CA6: variants seen among roughly 807,000 people sequenced by gnomAD.
CA6 encodes the protein carbonate dehydratase VI.
In CA6, 28 loss-of-function variants were observed where a neutral mutation model predicts 35.9. The observed-to-expected ratio is 0.78, with a 90% CI of 0.58 to 1.07. CA6 has a LOEUF of 1.07. Ranked by LOEUF, CA6 falls within the 50% of genes least tolerant of loss-of-function variation. The probability of loss-of-function intolerance (pLI) is 0.00; values close to 1 mark genes in which losing one functional copy is unlikely to be tolerated. For missense variants in CA6, 377 were observed against 382.0 expected (o/e 0.99, Z 0.11); for synonymous variants, 148 against 152.6 (o/e 0.97, Z 0.22).
At chr1:8,948,096 C>A (rs538309064) in intron 1 of CA6, among the ~76,000 whole-genome samples, 195 of 152,216 alleles carry the variant, frequency 1.3e-3, no homozygotes, top group Non-Finnish European at 2.3e-3. Context: ...GATCCACCCG[C>A]CTCGGCCTCC....
At chr1:8,971,526 G>A (rs1386287160) in intron 7 of CA6, among the ~76,000 whole-genome samples, 1 of 151,830 alleles carries the variant, frequency 6.6e-6, no homozygotes, top group Non-Finnish European at 1.5e-5. Flanking sequence ...GGCCAGGCTG[G>A]TCCCAAACTC....
chr1:8,946,670 G>A (rs910358925), intron 1 of CA6, among the ~76,000 whole-genome samples: 1 of 151,958 alleles, frequency 6.6e-6, no homozygotes, highest in African/African-American at 2.4e-5. Flanking sequence ...GTAACCTCAC[G>A]GAAGGTGCTG....
intron 2 of CA6, among the ~76,000 whole-genome samples, chr1:8,953,449 C>T (rs907944056): frequency 1.1e-4 from 17 of 152,096 alleles, no homozygotes; most frequent in Non-Finnish European, 2.5e-4. Context: ...TGTAGTGAGA[C>T]CTACGAAAGT....
chr1:8,959,985 A>G (rs1639796286), intron 4 of CA6, among the ~76,000 whole-genome samples: 1 of 148,752 alleles, frequency 6.7e-6, no homozygotes, highest in African/African-American at 2.5e-5. Flanking sequence ...TAATCCCAGC[A>G]CTTTGGGAGG....
rs111580237 is a variant in CA6 at position 8,971,188 on chromosome 1, C to T, written c.844+207C>T. Among the ~76,000 whole-genome samples the T allele has an allele frequency of 2.7e-3, 418 of 152,126 alleles. 1 individual carries two copies. In the Middle Eastern group the frequency reaches 0.031, roughly 11 times the overall value. ...CAGGGATGCCAGTGAGTAGAACACA[C>T]GAGACAATCAGAAGCGACAGCTACG... On this transcript the variant is annotated intron_variant, in intron 7 of 7. Coordinates refer to ENST00000377443, the MANE Select transcript of CA6 (RefSeq NM_001215.4).
rs1388394146 is a variant in CA6 at position 8,949,333 on chromosome 1, C to T, written c.150C>T (p.Ile50=). 2.5e-6 allele frequency: 4 copies of T among 1,613,118 alleles called. No homozygotes were observed. The highest frequency in any genetic ancestry group is 3.3e-5 in the Admixed American group (2 of 59,976). Residue 50 remains isoleucine (I), a synonymous_variant, in exon 2 of 8, where the codon ATC becomes ATT. Coordinates refer to ENST00000377443, the MANE Select transcript of CA6 (RefSeq NM_001215.4). ...GTGGGGGCCAGAGACAGTCGCCTAT[C>T]AACCTACAGAGGACGAAGGTGCGGT... ...PACGGQRQSP[I]NLQRTKVRYN...
chr1:8,971,012 G>A, intron 7 of CA6, 31 bp downstream of exon 7: 2 of 1,385,628 alleles, frequency 1.4e-6, no homozygotes, highest in Non-Finnish European at 2.1e-6. Flanking sequence ...ATCATGCTCT[G>A]CAGTTTAACT....
chr1:8,952,273 A>G (rs553597551), intron 2 of CA6: 1 of 151,794 alleles, frequency 6.6e-6, no homozygotes, highest in African/African-American at 2.4e-5. Flanking sequence ...AGTAGATGGG[A>G]CTACAGGCGC....
intron 4 of CA6, among the ~76,000 whole-genome samples, chr1:8,960,789 C>CACACATATATATATAT (rs59987426): frequency 5.1e-5 from 6 of 116,878 alleles, no homozygotes; most frequent in Non-Finnish European, 9.0e-5. Flanking sequence ...CACACACACA[C>CACACATATATATATAT]ATATATATAA....
chr1:8,968,438 A>T (rs1051228485), intron 6 of CA6, among the ~76,000 whole-genome samples: 2 of 152,162 alleles, frequency 1.3e-5, no homozygotes, highest in Non-Finnish European at 2.9e-5. Flanking sequence ...GACCTAGAAG[A>T]ATTTTCACAA....
intron 4 of CA6, among the ~76,000 whole-genome samples, chr1:8,960,743 AACACACACACACACAC>A (rs113532929): frequency 0.013 from 1,385 of 109,056 alleles, 31 homozygotes; most frequent in African/African-American, 0.049. Context: ...CAAGTATAGC[AACACACACACACACAC>A]ACACACACAC....
chr1:8,967,241 A>G (rs759602316), intron 5 of CA6, among the ~76,000 whole-genome samples: 2 of 152,110 alleles, frequency 1.3e-5, no homozygotes, highest in Non-Finnish European at 2.9e-5. Context: ...TATTTCTTTC[A>G]TTGATCATAA....
intron 5 of CA6, among the ~76,000 whole-genome samples, chr1:8,966,764 G>C (rs1237736458): frequency 6.6e-6 from 1 of 152,122 alleles, no homozygotes; most frequent in African/African-American, 2.4e-5. Context: ...GAGCTCAGGG[G>C]CTCAGTGTTG....
intron 2 of CA6, chr1:8,951,565 A>G (rs544354442): frequency 8.4e-5 from 64 of 765,204 alleles, no homozygotes; most frequent in South Asian, 5.0e-4. Flanking sequence ...CTCTATGGGC[A>G]ACGCTTGCTG....
At chr1:8,953,802 G>A (rs753229624) in intron 2 of CA6, among the ~76,000 whole-genome samples, 1 of 152,152 alleles carries the variant, frequency 6.6e-6, no homozygotes, top group Non-Finnish European at 1.5e-5. Context: ...GAGACCTACT[G>A]GACTGCACTC....
At chr1:8,953,476 T>C (rs1328066169) in intron 2 of CA6, among the ~76,000 whole-genome samples, 1 of 152,022 alleles carries the variant, frequency 6.6e-6, no homozygotes, top group Non-Finnish European at 1.5e-5. Flanking sequence ...AAAATTAGCC[T>C]GGCATGGTGG....
In CA6 at chr1:8,957,334, ACTTTT is replaced by A. The variant is rs781596590; in HGVS notation, c.408+55_408+59del. The A allele has an allele frequency of 1.1e-5, 17 of 1,525,714 alleles. No homozygotes were observed. In the African/African-American group the frequency reaches 2.1e-4, roughly 19 times the overall value. The allele number at this position is 1,525,714 out of a possible 1,614,324, so 94.5% of individuals were successfully genotyped here. Reference sequence around the variant, plus strand: ...CCTCTTTCCTTTGAACCCCATAGTCACTTTTCTTTTTATTTATTTATTTTGAGACA... The same window carrying A: ...CCTCTTTCCTTTGAACCCCATAGTCACTTTTTATTTATTTATTTTGAGACA... On this transcript the variant is annotated intron_variant, in intron 3 of 7. Transcript: ENST00000377443.
intron 6 of CA6, among the ~76,000 whole-genome samples, chr1:8,969,065 C>T (rs1266782813): frequency 6.7e-6 from 1 of 149,468 alleles, no homozygotes. Flanking sequence ...CCTGTAATCC[C>T]AGCACTTTGG....
intron 4 of CA6, among the ~76,000 whole-genome samples, chr1:8,960,218 G>A (rs1422129751): frequency 3.4e-5 from 5 of 149,058 alleles, no homozygotes; most frequent in African/African-American, 5.0e-5. Context: ...ATGACAGAGC[G>A]AGACTCCGTC....
Sources: gnomAD v4.1 joint callset for allele counts (sites outside exome capture counted in the v4.1 genomes callset) on GRCh38, gnomAD v4.1.1 for gene constraint, MANE v1.5 for transcripts, NCBI Gene and HGNC (gene_info 2026-07-23, HGNC 2026-07-21) for gene names.